Variants in CYBA observed in about 807,000 individuals in gnomAD.
CYBA encodes the protein cytochrome b-245 light chain.
Under a neutral mutation model 20.8 loss-of-function variants are expected in CYBA, and 21 were observed. The observed-to-expected ratio is 1.01, with a 90% CI of 0.72 to 1.46. The LOEUF is 1.46. CYBA is among the 40% of genes most tolerant of loss of function. The probability of loss-of-function intolerance (pLI) is 0.00; values close to 1 mark genes in which losing one functional copy is unlikely to be tolerated. For synonymous variants in CYBA, 164 were observed against 127.5 expected, an observed-to-expected ratio of 1.29 and a Z score of -1.93; for missense variants, 344 against 287.0, an observed-to-expected ratio of 1.20 and a Z score of -1.43.
rs1439134665 is a variant in CYBA at position 88,646,795 on chromosome 16, AG to A, written c.246del (p.Phe83LeufsTer108). 5.6e-6 allele frequency: 9 copies of A among 1,613,962 alleles called. No individual in the cohort carries two copies. The highest frequency in any genetic ancestry group is 7.6e-6 in the Non-Finnish European group (9 of 1,179,952). ...YMTAVVKLFG[P>X]FTRNYYVRAV... ...GCCCGAACATAGTAATTCCTGGTAA[AG>A]GGCCCGAACAGCTTCACCACGGCGG... On this transcript the variant is annotated frameshift_variant, in exon 4 of 6. Coordinates refer to ENST00000261623, the MANE Select transcript of CYBA (RefSeq NM_000101.4). LOFTEE classifies it high-confidence loss of function.
Position 88,643,316 on chromosome 16 carries a change from TGGGTGCACCTGGC to T in CYBA, c.*24_*36del. 1 of 1,403,938 alleles carries T rather than the reference TGGGTGCACCTGGC, an allele frequency of 7.1e-7. No homozygotes were observed. The highest frequency in any genetic ancestry group is 9.5e-7 in the Non-Finnish European group (1 of 1,050,742). The allele number at this position is 1,403,938 out of a possible 1,614,324, so 87.0% of individuals were successfully genotyped here. A position where few individuals can be genotyped will look rare whatever the true frequency, so the allele number is the denominator to read the frequency against. Reference sequence around the variant, plus strand: ...CCGGCTTCGCTGCATTTATTGCAGGTGGGTGCACCTGGCGGGAGGGCAGGTCCGGGGCGAGGTC... The same window carrying T: ...CCGGCTTCGCTGCATTTATTGCAGGTGGGAGGGCAGGTCCGGGGCGAGGTC... On this transcript the variant is annotated 3_prime_UTR_variant, in exon 6 of 6. Coordinates refer to ENST00000261623, the MANE Select transcript of CYBA (RefSeq NM_000101.4). This position sits in a 1 kb window ranked among gnomAD's most constrained non-coding sequence, Gnocchi z 4.3.
At chr16:88,650,168 A>G in intron 1 of CYBA, 1 of 338,476 alleles carries the variant, frequency 3.0e-6, no homozygotes, top group Non-Finnish European at 6.0e-6. Context: ...GGCCCTTCCC[A>G]GGCACTCCTC....
chr16:88,647,049 C>T, intron 3 of CYBA, 52 bp downstream of exon 3: 1 of 1,535,380 alleles, frequency 6.5e-7, no homozygotes, highest in Admixed American at 1.8e-5. Flanking sequence ...CCTGTGAGCC[C>T]TGCCTGGGCC....
At chr16:88,645,221 A>C in intron 5 of CYBA, 1 of 702,404 alleles carries the variant, frequency 1.4e-6, no homozygotes, top group Non-Finnish European at 2.6e-6. Context: ...CCCGGAAAAC[A>C]AAGCAACAGC....
At position 88,643,551 on chromosome 16, in the gene CYBA, C is replaced by G. The variant is rs751430224; in HGVS notation, c.390G>C (p.Gln130His). Residue 130 changes from glutamine to histidine, a missense_variant, in exon 6 of 6, where the codon CAG becomes CAC. Coordinates refer to ENST00000261623, the MANE Select transcript of CYBA (RefSeq NM_000101.4). This position sits in a 1 kb window ranked among gnomAD's most constrained non-coding sequence, Gnocchi z 4.3. ...GGGGCTTGGGCTCGATGGGCGTCCACTGCTCGCCACGCACAGCCGCCTGCG... is the reference window on the plus strand; with the variant it reads ...GGGGCTTGGGCTCGATGGGCGTCCAGTGCTCGCCACGCACAGCCGCCTGCG... ...IYLLAAVRGE[Q>H]WTPIEPKPRE... 6.5e-7 allele frequency: 1 copy of G among 1,534,250 alleles called. No homozygotes were observed. The highest frequency in any genetic ancestry group is 1.4e-5 in the African/African-American group (1 of 73,106).
At position 88,646,170 on chromosome 16, in the gene CYBA, C is replaced by A; in HGVS notation, c.315G>T (p.Leu105=). The A allele has an allele frequency of 6.4e-7, 1 of 1,559,876 alleles. No individual in the cohort carries two copies. Among genetic ancestry groups the A allele is most frequent in the South Asian group, 1.2e-5 (1 of 84,840 alleles). Residue 105 remains leucine (L), a synonymous_variant, in exon 5 of 6, where the codon CTG becomes CTT. Coordinates refer to ENST00000261623, the MANE Select transcript of CYBA (RefSeq NM_000101.4). ...GGCAGGCGGTCCCAAGGATGGTGGC[C>A]AGCAGGAAGCCGGCGGGCACCGAGA... is the stretch of plus-strand genomic sequence containing the variant. ...LLLSVPAGFL[L]ATILGTACLA...
At chr16:88,649,666 C>A (rs564212154) in intron 1 of CYBA, among the ~76,000 whole-genome samples, 1 of 152,170 alleles carries the variant, frequency 6.6e-6, no homozygotes, top group Non-Finnish European at 1.5e-5. Flanking sequence ...CAGCTTGTGC[C>A]GAGGCCCTGG....
At chr16:88,645,176 G>T in intron 5 of CYBA, 1 of 702,290 alleles carries the variant, frequency 1.4e-6, no homozygotes, top group Non-Finnish European at 2.6e-6. Flanking sequence ...CTAGCTGTGC[G>T]TGGCAGCAGG....
chr16:88,650,433 T>G (rs1419749762), intron 1 of CYBA: 1 of 458,050 alleles, frequency 2.2e-6, no homozygotes, highest in South Asian at 1.5e-5. Flanking sequence ...ACTGGGTGGT[T>G]TCGGCGCCTT....
chr16:88,646,976 T>TA, intron 3 of CYBA, 125 bp downstream of exon 3: 1 of 1,197,318 alleles, frequency 8.4e-7, no homozygotes, highest in South Asian at 1.3e-5. Flanking sequence ...GGCCTTGGTT[T>TA]ACCCACAAGC....
At position 88,643,377 on chromosome 16, in the gene CYBA, G is replaced by A. The variant is rs776216387; in HGVS notation, c.564C>T (p.Ile188=). 9.5e-5 allele frequency: 145 copies of A among 1,532,340 alleles called. No individual in the cohort carries two copies. The highest frequency in any genetic ancestry group is 1.2e-4 in the Non-Finnish European group (139 of 1,142,026). The allele number at this position is 1,532,340 out of a possible 1,614,324, so 94.9% of individuals were successfully genotyped here. ...GPPGGPQVNP[I]PVTDEVV is the part of the protein sequence containing the mutation. The stretch of plus-strand genomic sequence containing the variant: ...GTCACACGACCTCGTCGGTCACCGG[G>A]ATGGGGTTGACCTGGGGACCTCCCG... The change falls in exon 6 of 6, where the codon ATC becomes ATT. Residue 188 remains isoleucine (I), a synonymous_variant. Coordinates refer to ENST00000261623, the MANE Select transcript of CYBA (RefSeq NM_000101.4). The surrounding 1 kb of genome is among the most constrained non-coding windows in gnomAD (Gnocchi z 4.3).
Position 88,643,688 on chromosome 16 carries a change from C to G in CYBA, c.370-117G>C. 1.0e-6 allele frequency: 1 copy of G among 989,670 alleles called. No homozygotes were observed. The allele number at this position is 989,670 out of a possible 1,614,324, so 61.3% of individuals were successfully genotyped here. A position where few individuals can be genotyped will look rare whatever the true frequency, so the allele number is the denominator to read the frequency against. On this transcript the variant is annotated intron_variant, in intron 5 of 5. Coordinates refer to ENST00000261623, the MANE Select transcript of CYBA (RefSeq NM_000101.4). This position sits in a 1 kb window ranked among gnomAD's most constrained non-coding sequence, Gnocchi z 4.3. Reference sequence around the variant, plus strand: ...GACAGGCTCAAGTCTGAATCCCACGCAGGATGGTGTGACTGCCACTCAGAG... The same window carrying G: ...GACAGGCTCAAGTCTGAATCCCACGGAGGATGGTGTGACTGCCACTCAGAG...
intron 5 of CYBA, among the ~76,000 whole-genome samples, chr16:88,644,461 G>A (rs1907203758): frequency 6.6e-6 from 1 of 152,202 alleles, no homozygotes; most frequent in Admixed American, 6.5e-5. Flanking sequence ...AAGCATGAAG[G>A]CATCCCCAGT....
chr16:88,646,043 G>T, intron 5 of CYBA, 73 bp downstream of exon 5: 1 of 1,286,574 alleles, frequency 7.8e-7, no homozygotes, highest in Non-Finnish European at 1.1e-6. Context: ...CAAGGGCCAT[G>T]CGTGTCCGAG....
intron 1 of CYBA, 29 bp from the exon 2 acceptor site, chr16:88,648,143 G>C: frequency 3.7e-6 from 6 of 1,600,122 alleles, no homozygotes; most frequent in Non-Finnish European, 5.1e-6. Flanking sequence ...CAGGCACTGT[G>C]GGGCTCCCGT....
intron 1 of CYBA, among the ~76,000 whole-genome samples, chr16:88,649,222 C>T (rs987808373): frequency 3.6e-4 from 55 of 152,358 alleles, no homozygotes; most frequent in Non-Finnish European, 3.5e-4. Flanking sequence ...CAGGTGTAGC[C>T]ACCTTGCCCT....
At chr16:88,645,833 G>A (rs1364152047) in intron 5 of CYBA, 8 of 557,274 alleles carry the variant, frequency 1.4e-5, no homozygotes, top group East Asian at 3.0e-5. Context: ...CTGAGCCTCC[G>A]CATCTTTGTC....
At chr16:88,647,885 TGGCTGCTGGGGCCTG>T (rs1484140887) in intron 2 of CYBA, 145 bp downstream of exon 2, 1 of 706,014 alleles carries the variant, frequency 1.4e-6, no homozygotes, top group Non-Finnish European at 2.5e-6. Context: ...GCGAGGGGCC[TGGCTGCTGGGGCCTG>T]GGCTGCCCAA....
At position 88,647,125 on chromosome 16, in the gene CYBA, T is replaced by C. The variant is rs11547387; in HGVS notation, c.179A>G (p.Lys60Arg). The C allele has an allele frequency of 1.2e-5, 19 of 1,611,418 alleles. No individual in the cohort carries two copies. Among genetic ancestry groups the C allele is most frequent in the African/African-American group, 4.0e-5 (3 of 74,900 alleles). Reference sequence around the variant, plus strand: ...CCAGCGCTCCATGGTGGAGCCCTTCTTCCTCTTCCCCCGGGGGTACTCCAG... The same window carrying C: ...CCAGCGCTCCATGGTGGAGCCCTTCCTCCTCTTCCCCCGGGGGTACTCCAG... ...CLLEYPRGKR[K>R]KGSTMERWGQ... The change falls in exon 3 of 6, where the codon AAG becomes AGG. Residue 60 changes from lysine to arginine, a missense_variant. By Grantham distance (26) the Lys-to-Arg change is conservative (BLOSUM62 2). Transcript: ENST00000261623.
Sources: gnomAD v4.1 joint callset for allele counts (sites outside exome capture counted in the v4.1 genomes callset) on GRCh38, gnomAD v4.1.1 for gene constraint, Gnocchi (gnomAD v3.1) non-coding constraint, MANE v1.5 for transcripts, NCBI Gene and HGNC (gene_info 2026-07-23, HGNC 2026-07-21) for gene names.